The following TRIM33 variants were observed in gnomAD, a reference collection of about 807,000 sequenced individuals.
The protein encoded by TRIM33 is E3 ubiquitin-protein ligase TRIM33.
Under a neutral mutation model 125.4 loss-of-function variants are expected in TRIM33, and 20 were observed. The ratio of observed to expected loss-of-function variants is 0.16; its 90% CI spans 0.11 to 0.23. TRIM33 has a LOEUF of 0.23. TRIM33 is among the 10% of genes least tolerant of loss of function. TRIM33 has a pLI of 1.00. For synonymous variants in TRIM33, 564 were observed against 513.9 expected, an observed-to-expected ratio of 1.10 and a Z score of -1.32; for missense variants, 920 against 1,411.4, an observed-to-expected ratio of 0.65 and a Z score of 5.58.
rs1653353027 is a variant in TRIM33 at position 114,511,164 on chromosome 1, C to A, written c.-88G>T. 2 of 1,045,424 alleles carry A rather than the reference C, an allele frequency of 1.9e-6. No homozygotes were observed. The highest frequency in any genetic ancestry group is 2.3e-6 in the Non-Finnish European group (2 of 868,128). 64.8% of individuals were successfully genotyped at this position (1,045,424 alleles called of 1,614,324 possible). On this transcript the variant is annotated 5_prime_UTR_variant, in exon 1 of 20. Transcript: ENST00000358465. The stretch of plus-strand genomic sequence containing the variant: ...CCGCCCCCAGCCCCAGCCGCAGCCG[C>A]AGCAAGAGCGGCAGCCGAGAGCTAG...
At chr1:114,496,521 A>C (rs6658383) in intron 1 of TRIM33, among the ~76,000 whole-genome samples, 2 of 152,064 alleles carry the variant, frequency 1.3e-5, no homozygotes. Flanking sequence ...GTGGCATCAC[A>C]AGGCATAGTA....
Position 114,421,649 on chromosome 1 carries a change from A to C in TRIM33, c.1861-13T>G. On this transcript the variant is annotated splice_polypyrimidine_tract_variant and intron_variant, in intron 10 of 19. Transcript: ENST00000358465. ...CTGGGTTTGAGTGCTAATAAGAAAG[A>C]AGACATTATCATTACTTGATCTGCC... 6.2e-7 allele frequency: 1 copy of C among 1,613,322 alleles called. No individual in the cohort carries two copies. Among genetic ancestry groups the C allele is most frequent in the Non-Finnish European group, 8.5e-7 (1 of 1,179,242 alleles).
intron 1 of TRIM33, among the ~76,000 whole-genome samples, chr1:114,479,671 C>CATGA (rs1173724161): frequency 6.6e-6 from 1 of 152,170 alleles, no homozygotes; most frequent in Non-Finnish European, 1.5e-5. Context: ...ATGTAACAAT[C>CATGA]ATGACTATAA....
chr1:114,408,936 C>G (rs887489120), intron 12 of TRIM33, among the ~76,000 whole-genome samples, 196 bp from the exon 13 acceptor site: 2 of 152,178 alleles, frequency 1.3e-5, no homozygotes, highest in African/African-American at 2.4e-5. Flanking sequence ...CCAGACATCA[C>G]CTCAGAATCC....
At chr1:114,507,452 CATT>C (rs1419325231) in intron 1 of TRIM33, among the ~76,000 whole-genome samples, 7 of 152,310 alleles carry the variant, frequency 4.6e-5, no homozygotes, top group Middle Eastern at 6.8e-3. Flanking sequence ...TTATACTCAT[CATT>C]GTTTCAAAAT....
In TRIM33 at chr1:114,397,101, A is replaced by G. The variant is rs539687303; in HGVS notation, c.*547T>C. The G allele has an allele frequency of 1.2e-3, 279 of 223,240 alleles. No homozygotes were observed. Among genetic ancestry groups the G allele is most frequent in the Non-Finnish European group, 1.9e-3 (216 of 112,184 alleles). 13.8% of individuals were successfully genotyped at this position (223,240 alleles called of 1,614,324 possible). A position where few individuals can be genotyped will look rare whatever the true frequency, so the allele number is the denominator to read the frequency against. On this transcript the variant is annotated 3_prime_UTR_variant, in exon 20 of 20. Coordinates refer to ENST00000358465, the MANE Select transcript of TRIM33 (RefSeq NM_015906.4). ...TTAAAAACTAAGACCCAACAGCATA[A>G]AAATGAGAAAAAACATAATGGCATG...
chr1:114,439,468 CAAAAA>C (rs59231995), intron 4 of TRIM33, among the ~76,000 whole-genome samples: 2,022 of 45,854 alleles, frequency 0.044, 15 homozygotes, highest in Non-Finnish European at 0.051. Context: ...GACTCTGTAT[CAAAAA>C]AAAAAAAAAA....
intron 7 of TRIM33, 80 bp downstream of exon 7, chr1:114,427,668 T>C: frequency 7.1e-7 from 1 of 1,399,372 alleles, no homozygotes; most frequent in Non-Finnish European, 9.6e-7. Flanking sequence ...TTAAAATGTA[T>C]ACTTTAAACA....
intron 1 of TRIM33, among the ~76,000 whole-genome samples, chr1:114,505,332 G>C (rs1227914243): frequency 6.6e-6 from 1 of 152,066 alleles, no homozygotes; most frequent in African/African-American, 2.4e-5. Context: ...AGCCTAAAAA[G>C]TCCCCAAACC....
At chr1:114,448,641 A>T (rs886938470) in intron 4 of TRIM33, among the ~76,000 whole-genome samples, 2 of 152,222 alleles carry the variant, frequency 1.3e-5, no homozygotes, top group Non-Finnish European at 2.9e-5. Context: ...AATGCAAGGG[A>T]GTGATTAAAC....
chr1:114,435,981 C>T (rs1186721557), intron 4 of TRIM33, among the ~76,000 whole-genome samples: 4 of 147,786 alleles, frequency 2.7e-5, no homozygotes, highest in Non-Finnish European at 5.9e-5. Context: ...GATTCTCCTG[C>T]CTCGGCCAAA....
At position 114,493,889 on chromosome 1, in the gene TRIM33, C is replaced by T. The variant is rs758392456; in HGVS notation, c.526+16662G>A. Among the ~76,000 whole-genome samples, 11 of 152,094 alleles carry T rather than the reference C, an allele frequency of 7.2e-5. No individual in the cohort carries two copies. In the East Asian group the frequency reaches 1.2e-3, roughly 16 times the overall value. On this transcript the variant is annotated intron_variant, in intron 1 of 19. Transcript: ENST00000358465. Reference sequence around the variant, plus strand: ...GTTGCCAGGCTGGAGTGCAGTGGCACGATCTCGGCTCACTGCAACCTCCGC... The same window carrying T: ...GTTGCCAGGCTGGAGTGCAGTGGCATGATCTCGGCTCACTGCAACCTCCGC...
intron 1 of TRIM33, among the ~76,000 whole-genome samples, chr1:114,465,213 T>C (rs974188891): frequency 4.6e-5 from 7 of 152,182 alleles, no homozygotes; most frequent in African/African-American, 7.2e-5. Context: ...CCAGGACTTA[T>C]CAGAATGGAT....
At chr1:114,442,687 C>CAAAAAAAAAAAAAA (rs34847018) in intron 4 of TRIM33, among the ~76,000 whole-genome samples, 1 of 73,866 alleles carries the variant, frequency 1.4e-5, no homozygotes, top group African/African-American at 4.9e-5. Flanking sequence ...GACTCTGTCT[C>CAAAAAAAAAAAAAA]AAAAAAAAAA....
intron 8 of TRIM33, among the ~76,000 whole-genome samples, chr1:114,426,773 C>T (rs1249639368): frequency 6.6e-6 from 1 of 152,106 alleles, no homozygotes; most frequent in African/African-American, 2.4e-5. Flanking sequence ...TTCCTCAGGA[C>T]CTAACTACTG....
chr1:114,483,468 G>A (rs144748197), intron 1 of TRIM33, among the ~76,000 whole-genome samples: 1,560 of 151,120 alleles, frequency 0.01, 25 homozygotes, highest in African/African-American at 0.036. Flanking sequence ...CCAGGCTGGA[G>A]TGCAGTGGCA....
chr1:114,463,622 AAC>A (rs1650121156), intron 2 of TRIM33, 66 bp from the exon 3 acceptor site: 1 of 1,018,256 alleles, frequency 9.8e-7, no homozygotes, highest in Admixed American at 2.4e-5. Context: ...AAAAAAAAAA[AAC>A]TTGTTCTTCA....
intron 4 of TRIM33, among the ~76,000 whole-genome samples, chr1:114,445,038 G>A (rs1252363049): frequency 2.0e-5 from 3 of 152,120 alleles, no homozygotes; most frequent in Non-Finnish European, 4.4e-5. Context: ...AATGAAAAAC[G>A]TCACTGGATG....
intron 1 of TRIM33, among the ~76,000 whole-genome samples, chr1:114,506,383 C>CA (rs370539194): frequency 0.22 from 20,097 of 89,774 alleles, 1,720 homozygotes; most frequent in African/African-American, 0.27. Flanking sequence ...AAAACTGTCT[C>CA]AAAAAAAAAA....
Sources: gnomAD v4.1 joint callset for allele counts (sites outside exome capture counted in the v4.1 genomes callset) on GRCh38, gnomAD v4.1.1 for gene constraint, MANE v1.5 for transcripts, NCBI Gene and HGNC (gene_info 2026-07-23, HGNC 2026-07-21) for gene names.